Variants in PALM observed in about 807,000 individuals in gnomAD.
PALM encodes paralemmin, also known as paralemmin-1.
PALM carries 18 observed loss-of-function variants against 30.7 expected under a neutral mutation model. The observed-to-expected ratio is 0.59, with a 90% CI of 0.41 to 0.87. The LOEUF is 0.87. Among genes scored for constraint, PALM ranks in the 40% least tolerant of loss-of-function variants. The probability of loss-of-function intolerance (pLI) is 0.00; values close to 1 mark genes in which losing one functional copy is unlikely to be tolerated. For synonymous variants in PALM, 286 were observed against 242.8 expected, an observed-to-expected ratio of 1.18 and a Z score of -1.66; for missense variants, 529 against 555.4, an observed-to-expected ratio of 0.95 and a Z score of 0.48.
At chr19:741,949 C>T (rs1027657265) in intron 8 of PALM, among the ~76,000 whole-genome samples, 9 of 152,312 alleles carry the variant, frequency 5.9e-5, no homozygotes, top group African/African-American at 9.6e-5. Context: ...TGGGCTCAGG[C>T]GATCCTCCTG....
chr19:746,403 C>T lies in PALM; in HGVS notation c.753C>T (p.Ala251=), dbSNP rs777191315. The change falls in exon 9 of 9, where the codon GCC becomes GCT. Residue 251 remains alanine (A), a synonymous_variant. Coordinates refer to ENST00000338448, the MANE Select transcript of PALM (RefSeq NM_002579.3). This position sits in a 1 kb window ranked among gnomAD's most constrained non-coding sequence, Gnocchi z 7.1. The part of the protein sequence containing the change: ...EVTLSEAGST[A]GAAETRGAVE... ...CGCTGAGCGAGGCAGGGTCCACGGCCGGGGCGGCAGAGACCCGGGGGGCTG... is the reference window on the plus strand; with the variant it reads ...CGCTGAGCGAGGCAGGGTCCACGGCTGGGGCGGCAGAGACCCGGGGGGCTG... 1.7e-5 allele frequency: 27 copies of T among 1,612,314 alleles called. No homozygotes were observed. Among genetic ancestry groups the T allele is most frequent in the Non-Finnish European group, 1.5e-5 (18 of 1,179,562 alleles).
In PALM at chr19:746,170, T is replaced by G; in HGVS notation, c.635-115T>G. On this transcript the variant is annotated intron_variant, in intron 8 of 8. Transcript: ENST00000338448. This position sits in a 1 kb window ranked among gnomAD's most constrained non-coding sequence, Gnocchi z 7.1. The stretch of plus-strand genomic sequence containing the variant: ...TGTAATCTAGTTCGTGATTTCCTCT[T>G]TAGCCTGGAGGAGGATACAAGCCTT... 1.4e-6 allele frequency: 1 copy of G among 737,636 alleles called. No individual in the cohort carries two copies. Among genetic ancestry groups the G allele is most frequent in the Middle Eastern group, 3.0e-4 (1 of 3,294 alleles). 45.7% of individuals were successfully genotyped at this position (737,636 alleles called of 1,614,324 possible).
At chr19:736,158 C>CGGGGTGGGGG in intron 7 of PALM, 80 bp downstream of exon 7, 1 of 500,698 alleles carries the variant, frequency 2.0e-6, no homozygotes, top group Non-Finnish European at 3.8e-6. Flanking sequence ...CCGGGTGGGG[C>CGGGGTGGGGG]GGGGGCGACA....
At chr19:730,625 T>C (rs1371476911) in intron 4 of PALM, among the ~76,000 whole-genome samples, 1 of 152,176 alleles carries the variant, frequency 6.6e-6, no homozygotes, top group African/African-American at 2.4e-5. Flanking sequence ...CTGCTGGCCA[T>C]GTGGCTTTTG....
At chr19:725,434 A>G (rs537230402) in intron 1 of PALM, among the ~76,000 whole-genome samples, 2 of 152,050 alleles carry the variant, frequency 1.3e-5, no homozygotes, top group East Asian at 3.9e-4. Flanking sequence ...GGTGGCAGGC[A>G]CCTGTCATCC....
At chr19:733,633 C>A (rs751795962) in intron 5 of PALM, among the ~76,000 whole-genome samples, 1 of 152,264 alleles carries the variant, frequency 6.6e-6, no homozygotes, top group African/African-American at 2.4e-5. Context: ...ACGGAGGAGC[C>A]GGCTGGATTC....
At chr19:729,468 T>C (rs1227202906) in intron 4 of PALM, among the ~76,000 whole-genome samples, 2 of 128,114 alleles carry the variant, frequency 1.6e-5, no homozygotes, top group Non-Finnish European at 1.6e-5. Context: ...CTTTTTTTTT[T>C]TTTTTTTTTT....
Position 731,143 on chromosome 19 carries a change from C to T in PALM, c.318C>T (p.Ala106=), listed in dbSNP as rs768341087. The change falls in exon 5 of 9, where the codon GCC becomes GCT. Residue 106 remains alanine (A), a synonymous_variant. Coordinates refer to ENST00000338448, the MANE Select transcript of PALM (RefSeq NM_002579.3). ...EVLERGDSAP[A]TAKENAAAPS... ...TGGAGCGTGGAGACTCCGCCCCAGC[C>T]ACTGCCAAGGAGAACGCGGCGGCCC... 20 of 1,607,374 alleles carry T rather than the reference C, an allele frequency of 1.2e-5. No homozygotes were observed. The highest frequency in any genetic ancestry group is 8.9e-5 in the East Asian group (4 of 44,698).
intron 1 of PALM, among the ~76,000 whole-genome samples, chr19:710,253 G>A (rs1416562575): frequency 1.3e-5 from 2 of 152,226 alleles, no homozygotes; most frequent in Non-Finnish European, 2.9e-5. Context: ...GCGGCTGGGT[G>A]GGGGCCGCTG....
chr19:730,715 C>T (rs1308947330), intron 4 of PALM, among the ~76,000 whole-genome samples: 1 of 152,098 alleles, frequency 6.6e-6, no homozygotes, highest in Non-Finnish European at 1.5e-5. Context: ...ATTCAGAGAG[C>T]TAGGCCGAGT....
chr19:739,998 G>A (rs74686031), intron 7 of PALM, among the ~76,000 whole-genome samples: 1 of 151,998 alleles, frequency 6.6e-6, no homozygotes, highest in African/African-American at 2.4e-5. Flanking sequence ...AACAATGAAG[G>A]CTTTCCAGAT....
intron 1 of PALM, among the ~76,000 whole-genome samples, chr19:715,171 G>A (rs2032217371): frequency 6.6e-6 from 1 of 152,194 alleles, no homozygotes. Context: ...GGGAGGCTGA[G>A]GCAGGAGAAT....
At chr19:734,312 C>G (rs903348418) in intron 6 of PALM, 118 bp downstream of exon 6, 3 of 967,098 alleles carry the variant, frequency 3.1e-6, no homozygotes, top group Admixed American at 4.1e-5. Context: ...GTGATCCCAG[C>G]ACTTTGGGAG....
At chr19:737,906 C>T (rs991093734) in intron 7 of PALM, among the ~76,000 whole-genome samples, 9 of 152,266 alleles carry the variant, frequency 5.9e-5, no homozygotes, top group South Asian at 2.1e-4. Context: ...CAGGCAAAGC[C>T]GGGACTGCCC....
chr19:724,640 A>G (rs2032601989), intron 1 of PALM, among the ~76,000 whole-genome samples: 1 of 146,670 alleles, frequency 6.8e-6, no homozygotes, highest in Non-Finnish European at 1.5e-5. Context: ...TTTTTGAGAC[A>G]GAGCCTCATG....
chr19:740,359 C>T lies in PALM; in HGVS notation c.510C>T (p.Tyr170=). ...DGSPMMKAAM[Y]SVEITVEKDK... is the part of the protein sequence containing the mutation. ...CCGTGACTCTCGTGCCAGCCATGTA[C>T]TCGGTTGAGATCACTGTGGAGAAGG... The change falls in exon 8 of 9, where the codon TAC becomes TAT. Residue 170 remains tyrosine, a synonymous_variant. Transcript: ENST00000338448. 1 of 1,565,842 alleles carries T rather than the reference C, an allele frequency of 6.4e-7. No homozygotes were observed. Among genetic ancestry groups the T allele is most frequent in the Non-Finnish European group, 8.7e-7 (1 of 1,154,832 alleles).
In PALM at chr19:746,313, G is replaced by C. The variant is rs763309210; in HGVS notation, c.663G>C (p.Glu221Asp). 7 of 1,613,742 alleles carry C rather than the reference G, an allele frequency of 4.3e-6. No homozygotes were observed. The South Asian group carries it at 7.7e-5, about 18-fold the overall frequency. ...KVVHAVDGTAENGIHPLSSSE... is the reference protein window; with the variant it reads ...KVVHAVDGTADNGIHPLSSSE... ...TCCATGCTGTGGACGGCACCGCCGA[G>C]AACGGGATCCACCCCCTGAGCTCCT... Residue 221 changes from glutamate (E) to aspartate (D), a missense_variant, in exon 9 of 9, where the codon GAG (glutamate) becomes GAC (aspartate). Physicochemically the swap from Glu to Asp is conservative, Grantham distance 45. Transcript: ENST00000338448. This position sits in a 1 kb window ranked among gnomAD's most constrained non-coding sequence, Gnocchi z 7.1.
intron 4 of PALM, 86 bp downstream of exon 4, chr19:727,780 G>C: frequency 7.7e-7 from 1 of 1,305,466 alleles, no homozygotes; most frequent in Non-Finnish European, 1.0e-6. Context: ...GGGAAGAGTC[G>C]TCAGTGTGCT....
intron 7 of PALM, among the ~76,000 whole-genome samples, chr19:737,854 G>A (rs954083394): frequency 3.9e-5 from 6 of 152,124 alleles, no homozygotes; most frequent in Admixed American, 3.3e-4. Context: ...GGGAGGGGAC[G>A]TGGGCTTTTC....
Sources: gnomAD v4.1 joint callset for allele counts (sites outside exome capture counted in the v4.1 genomes callset) on GRCh38, gnomAD v4.1.1 for gene constraint, Gnocchi (gnomAD v3.1) non-coding constraint, MANE v1.5 for transcripts, NCBI Gene and HGNC (gene_info 2026-07-23, HGNC 2026-07-21) for gene names.